The following CNTLN variants were observed in gnomAD, a reference collection of about 807,000 sequenced individuals.
CNTLN encodes the protein centlein, centrosomal protein.
A neutral mutation model predicts 180.0 loss-of-function variants in CNTLN; 212 were observed. That is an observed-to-expected ratio of 1.18 (90% CI 1.05 to 1.32). The LOEUF is 1.32. Among genes scored for constraint, CNTLN ranks in the 40% most tolerant of loss-of-function variants. The probability of loss-of-function intolerance (pLI) is 0.00; values close to 1 mark genes in which losing one functional copy is unlikely to be tolerated. For synonymous variants in CNTLN, 722 were observed against 563.1 expected, an observed-to-expected ratio of 1.28 and a Z score of -3.99; for missense variants, 2,095 against 1,610.9, an observed-to-expected ratio of 1.30 and a Z score of -5.14.
chr9:17,485,647 C>A (rs775611961), intron 24 of CNTLN, among the ~76,000 whole-genome samples: 1 of 152,092 alleles, frequency 6.6e-6, no homozygotes, highest in East Asian at 1.9e-4. Context: ...AAGGCCTCTA[C>A]TGTTGCCTAG....
intron 2 of CNTLN, among the ~76,000 whole-genome samples, chr9:17,220,733 A>G (rs1563895483): frequency 6.6e-6 from 1 of 152,272 alleles, no homozygotes; most frequent in East Asian, 1.9e-4. Context: ...TTCTGAGGAT[A>G]ATGACCTTCA....
intron 5 of CNTLN, among the ~76,000 whole-genome samples, chr9:17,262,928 G>C (rs936127716): frequency 6.0e-5 from 9 of 151,064 alleles, no homozygotes; most frequent in African/African-American, 2.2e-4. Context: ...AGGGTTGTTA[G>C]ATTTTATCAA....
intron 18 of CNTLN, among the ~76,000 whole-genome samples, chr9:17,431,780 A>G (rs1299652950): frequency 6.6e-6 from 1 of 152,202 alleles, no homozygotes; most frequent in Admixed American, 6.5e-5. Flanking sequence ...TGTGTAGAAG[A>G]TTAAGATCTG....
intron 5 of CNTLN, among the ~76,000 whole-genome samples, chr9:17,259,208 C>T (rs62558306): frequency 1.3e-5 from 2 of 149,690 alleles, no homozygotes; most frequent in East Asian, 2.0e-4. Flanking sequence ...TGTACAAAGG[C>T]CTTTTCTGCA....
At chr9:17,288,049 G>T (rs1829106358) in intron 6 of CNTLN, among the ~76,000 whole-genome samples, 1 of 138,026 alleles carries the variant, frequency 7.2e-6, no homozygotes, top group Admixed American at 7.2e-5. Context: ...CCTTCTGCTA[G>T]CTTTTGAATG....
At chr9:17,274,453 ATATCTATCTATCTATCTATC>A (rs71331478) in intron 6 of CNTLN, among the ~76,000 whole-genome samples, 3 of 138,774 alleles carry the variant, frequency 2.2e-5, no homozygotes, top group East Asian at 2.2e-4. Context: ...TCATAGATCA[ATATCTATCTATCTATCTATC>A]TATCTATCTA....
chr9:17,248,879 C>G (rs1236859999), intron 5 of CNTLN, among the ~76,000 whole-genome samples: 2 of 151,716 alleles, frequency 1.3e-5, no homozygotes, highest in Admixed American at 1.3e-4. Context: ...TTTTTATTAT[C>G]TTATAATCAT....
chr9:17,155,217 C>T (rs929367885), intron 2 of CNTLN, among the ~76,000 whole-genome samples: 9 of 152,164 alleles, frequency 5.9e-5, no homozygotes, highest in East Asian at 5.8e-4. Context: ...CGCGAGGGTC[C>T]GCAGCTTCAT....
intron 12 of CNTLN, among the ~76,000 whole-genome samples, chr9:17,349,608 G>A (rs886335001): frequency 1.3e-5 from 2 of 151,940 alleles, no homozygotes; most frequent in African/African-American, 4.8e-5. Context: ...GAGTATGGTC[G>A]GAAATATTAG....
At chr9:17,465,597 G>C (rs1831702297) in intron 21 of CNTLN, among the ~76,000 whole-genome samples, 1 of 150,710 alleles carries the variant, frequency 6.6e-6, no homozygotes, top group African/African-American at 2.4e-5. Context: ...AAAAAGGTAT[G>C]TAATAGTTAT....
chr9:17,338,382 A>C (rs1821220379), intron 10 of CNTLN, among the ~76,000 whole-genome samples: 1 of 119,996 alleles, frequency 8.3e-6, no homozygotes, highest in South Asian at 2.5e-4. Context: ...TATATTGGCC[A>C]GTCCGGTCTC....
At chr9:17,351,787 A>G (rs1822388019) in intron 12 of CNTLN, among the ~76,000 whole-genome samples, 1 of 152,188 alleles carries the variant, frequency 6.6e-6, no homozygotes, top group Non-Finnish European at 1.5e-5. Flanking sequence ...TATAGTTCTG[A>G]GAATGTCTCT....
chr9:17,327,771 T>C (rs1026083656), intron 8 of CNTLN, among the ~76,000 whole-genome samples: 1 of 151,956 alleles, frequency 6.6e-6, no homozygotes, highest in Non-Finnish European at 1.5e-5. Context: ...CTGATCAACA[T>C]GGTGAAACCC....
intron 2 of CNTLN, among the ~76,000 whole-genome samples, chr9:17,199,517 C>CT (rs1201641111): frequency 8.5e-5 from 13 of 152,134 alleles, no homozygotes; most frequent in African/African-American, 3.1e-4. Context: ...AGCTTCCTGA[C>CT]TTTTTAATAA....
Position 17,415,877 on chromosome 9 carries a change from T to C in CNTLN, c.2886T>C (p.Thr962=), listed in dbSNP as rs768216725. ...MQKSSHTAVP[T]RVNREKYKNI... is the part of the protein sequence containing the mutation. ...AGAGTTCACATACAGCAGTTCCTACTAGAGGTAAGAATGTATATGCAATTA... is the reference window on the plus strand; with the variant it reads ...AGAGTTCACATACAGCAGTTCCTACCAGAGGTAAGAATGTATATGCAATTA... The change falls in exon 17 of 26, where the codon ACT becomes ACC. Residue 962 remains threonine, a synonymous_variant. Transcript: ENST00000380647. 1.9e-6 allele frequency: 3 copies of C among 1,607,240 alleles called. No individual in the cohort carries two copies. Among genetic ancestry groups the C allele is most frequent in the Admixed American group, 1.7e-5 (1 of 59,350 alleles).
At chr9:17,499,872 C>T (rs934487148) in intron 25 of CNTLN, among the ~76,000 whole-genome samples, 1 of 151,996 alleles carries the variant, frequency 6.6e-6, no homozygotes, top group Non-Finnish European at 1.5e-5. Context: ...AAGGTATAAA[C>T]AGCAAGTAGA....
intron 13 of CNTLN, among the ~76,000 whole-genome samples, chr9:17,369,988 A>C (rs1406549868): frequency 4.2e-5 from 6 of 144,080 alleles, no homozygotes; most frequent in Non-Finnish European, 6.0e-5. Context: ...TCCATCTCGA[A>C]AAAAAAAAAA....
At chr9:17,214,676 T>A (rs1823601037) in intron 2 of CNTLN, among the ~76,000 whole-genome samples, 1 of 152,230 alleles carries the variant, frequency 6.6e-6, no homozygotes, top group Non-Finnish European at 1.5e-5. Flanking sequence ...ATTGTCCCCA[T>A]CATTTTCAGG....
chr9:17,397,538 T>C (rs1342935217), intron 15 of CNTLN, among the ~76,000 whole-genome samples: 3 of 152,120 alleles, frequency 2.0e-5, no homozygotes, highest in African/African-American at 7.2e-5. Flanking sequence ...CTTCTTGGTT[T>C]TGATGGGTTT....
Sources: allele counts gnomAD v4.1 joint callset (sites outside exome capture counted in the v4.1 genomes callset), GRCh38; gene constraint gnomAD v4.1.1; transcripts MANE v1.5; gene names NCBI Gene and HGNC (gene_info 2026-07-23, HGNC 2026-07-21).